The following FMN1 variants were observed in gnomAD, a reference collection of about 807,000 sequenced individuals.
FMN1 encodes the protein formin 1.
Under a neutral mutation model 132.4 loss-of-function variants are expected in FMN1, and 110 were observed. The observed-to-expected ratio is 0.83, with a 90% CI of 0.71 to 0.97. FMN1 has a LOEUF of 0.97. Among genes scored for constraint, FMN1 ranks in the 50% least tolerant of loss-of-function variants. The probability of loss-of-function intolerance (pLI) is 0.00; values close to 1 mark genes in which losing one functional copy is unlikely to be tolerated. For synonymous variants in FMN1, 722 were observed against 651.7 expected, an observed-to-expected ratio of 1.11 and a Z score of -1.64; for missense variants, 1,792 against 1,705.3, an observed-to-expected ratio of 1.05 and a Z score of -0.90.
At chr15:32,895,306 G>C (rs1163519014) in intron 15 of FMN1, among the ~76,000 whole-genome samples, 2 of 111,790 alleles carry the variant, frequency 1.8e-5, no homozygotes, top group African/African-American at 6.8e-5. Flanking sequence ...CTGACATGAA[G>C]AAAAAAGGAA....
In FMN1 at chr15:33,012,106, T is replaced by C. The variant is rs2034761397; in HGVS notation, c.2162-4031A>G. On this transcript the variant is annotated intron_variant, in intron 6 of 20. Transcript: ENST00000616417. Reference sequence around the variant, plus strand: ...GCACCAAAGGAAGCATTGTCTCTCTTCCCACTGCTGTCATGTCTGCACATC... The same window carrying C: ...GCACCAAAGGAAGCATTGTCTCTCTCCCCACTGCTGTCATGTCTGCACATC... The C allele has an allele frequency of 1.4e-5, 6 of 419,902 alleles. No individual in the cohort carries two copies. The South Asian group carries it at 1.6e-4, about 11-fold the overall frequency. 26.0% of individuals were successfully genotyped at this position (419,902 alleles called of 1,614,324 possible). A position where few individuals can be genotyped will look rare whatever the true frequency, so the allele number is the denominator to read the frequency against.
chr15:32,949,821 A>C (rs1306347009), intron 9 of FMN1, among the ~76,000 whole-genome samples: 1 of 150,680 alleles, frequency 6.6e-6, no homozygotes, highest in African/African-American at 2.4e-5. Context: ...CAAAGGTTGA[A>C]TATCTAGCAT....
At chr15:33,181,579 T>A (rs1014321920) in intron 2 of FMN1, among the ~76,000 whole-genome samples, 2 of 152,198 alleles carry the variant, frequency 1.3e-5, no homozygotes, top group Admixed American at 6.5e-5. Flanking sequence ...AGGAGTCAGA[T>A]CAGGGAGGCT....
chr15:33,141,840 G>A (rs1964022332), intron 4 of FMN1, among the ~76,000 whole-genome samples: 1 of 152,092 alleles, frequency 6.6e-6, no homozygotes, highest in South Asian at 2.1e-4. Flanking sequence ...CATTTGGAGA[G>A]GGCAGTTCCT....
At chr15:32,863,859 A>G (rs1002439763) in intron 16 of FMN1, among the ~76,000 whole-genome samples, 2 of 152,228 alleles carry the variant, frequency 1.3e-5, no homozygotes, top group South Asian at 2.1e-4. Context: ...CAGAATCTCA[A>G]TATTAGCTTA....
At chr15:33,078,513 A>G (rs1348297566) in intron 5 of FMN1, among the ~76,000 whole-genome samples, 1 of 152,194 alleles carries the variant, frequency 6.6e-6, no homozygotes, top group Non-Finnish European at 1.5e-5. Flanking sequence ...CATACTTTCT[A>G]TAGCTGGAGA....
At chr15:32,903,978 T>C (rs1026849164) in intron 12 of FMN1, among the ~76,000 whole-genome samples, 1 of 152,226 alleles carries the variant, frequency 6.6e-6, no homozygotes, top group Non-Finnish European at 1.5e-5. Context: ...TTGGAAAGAC[T>C]TGAAAATTCA....
chr15:32,950,389 A>G (rs1277327172), intron 9 of FMN1, among the ~76,000 whole-genome samples: 1 of 152,088 alleles, frequency 6.6e-6, no homozygotes, highest in Non-Finnish European at 1.5e-5. Context: ...ATGCACATGT[A>G]TGTTCATTAA....
chr15:33,130,275 C>G (rs1421872993), intron 4 of FMN1, among the ~76,000 whole-genome samples: 3 of 152,134 alleles, frequency 2.0e-5, no homozygotes, highest in African/African-American at 7.2e-5. Flanking sequence ...TCGTTGTGTT[C>G]AGAAGACTGT....
chr15:32,943,668 G>T (rs189592022), intron 9 of FMN1, among the ~76,000 whole-genome samples: 15 of 152,264 alleles, frequency 9.9e-5, no homozygotes, highest in South Asian at 4.1e-4. Context: ...TCTGATGATT[G>T]CACTGATACT....
chr15:32,968,145 T>C (rs1462048831), intron 8 of FMN1, among the ~76,000 whole-genome samples: 2 of 152,196 alleles, frequency 1.3e-5, no homozygotes, highest in African/African-American at 4.8e-5. Flanking sequence ...GATGTGAGAG[T>C]ACTTAGCAGT....
chr15:32,981,366 C>G lies in FMN1; in HGVS notation c.2224-11889G>C, dbSNP rs533479922. ...AAATTAGCCGGCGCGGTGGCAGGCA[C>G]TTGTAGTCCCAGCCGGTGGCAGGCA... On this transcript the variant is annotated intron_variant, in intron 7 of 20. Transcript: ENST00000616417. Among the ~76,000 whole-genome samples, 123 of 151,362 alleles carry G rather than the reference C, an allele frequency of 8.1e-4. 1 individual carries two copies. The highest frequency in any genetic ancestry group is 1.5e-3 in the Non-Finnish European group (100 of 67,834).
intron 12 of FMN1, among the ~76,000 whole-genome samples, chr15:32,906,296 G>C (rs745955081): frequency 3.3e-5 from 5 of 152,106 alleles, no homozygotes; most frequent in African/African-American, 7.2e-5. Flanking sequence ...TTAAAAGAAC[G>C]ATGTTTACGT....
chr15:32,901,419 C>G (rs550250206), intron 13 of FMN1, among the ~76,000 whole-genome samples: 3 of 152,292 alleles, frequency 2.0e-5, no homozygotes, highest in Non-Finnish European at 4.4e-5. Flanking sequence ...AGAATTTAAC[C>G]TTATAATGAA....
Position 32,965,757 on chromosome 15 carries a change from G to A in FMN1, c.2988-1500C>T, listed in dbSNP as rs558444938. ...TTTTTATTTTTTAAATTATGATTTC[G>A]CCAATAGTTGAACCATGTAATAGTA... On this transcript the variant is annotated intron_variant, in intron 8 of 20. Transcript: ENST00000616417. Among the ~76,000 whole-genome samples, 6 of 151,954 alleles carry A rather than the reference G, an allele frequency of 3.9e-5. No individual in the cohort carries two copies. In the East Asian group the frequency reaches 5.8e-4, roughly 15 times the overall value.
intron 16 of FMN1, among the ~76,000 whole-genome samples, chr15:32,876,205 T>A (rs984386633): frequency 3.3e-5 from 5 of 152,240 alleles, no homozygotes; most frequent in Admixed American, 3.3e-4. Context: ...CTAAACCTGT[T>A]TATTCCTGTT....
intron 9 of FMN1, among the ~76,000 whole-genome samples, chr15:32,928,499 T>C (rs1484864566): frequency 4.6e-5 from 7 of 152,230 alleles, no homozygotes; most frequent in Admixed American, 2.0e-4. Context: ...ACACGTTACA[T>C]GTGCCTGGCA....
chr15:32,832,991 G>T (rs4337273), intron 17 of FMN1, among the ~76,000 whole-genome samples: 2,363 of 152,064 alleles, frequency 0.016, 17 homozygotes, highest in Non-Finnish European at 0.021. Context: ...CTTTTTTGCC[G>T]CCATTTTGTC....
intron 16 of FMN1, among the ~76,000 whole-genome samples, chr15:32,870,623 G>C (rs2059492771): frequency 1.3e-5 from 2 of 152,316 alleles, no homozygotes; most frequent in South Asian, 2.1e-4. Flanking sequence ...TCACAGCTGA[G>C]TCAGAATTTC....
Sources: allele counts gnomAD v4.1 joint callset (sites outside exome capture counted in the v4.1 genomes callset), GRCh38; gene constraint gnomAD v4.1.1; transcripts MANE v1.5; gene names NCBI Gene and HGNC (gene_info 2026-07-23, HGNC 2026-07-21).